The following EIF4G3 variants were observed in gnomAD, a reference collection of about 807,000 sequenced individuals.
EIF4G3 encodes the protein eIF-4-gamma 3.
A neutral mutation model predicts 186.4 loss-of-function variants in EIF4G3; 34 were observed. The ratio of observed to expected loss-of-function variants is 0.18; its 90% confidence interval spans 0.14 to 0.24. EIF4G3 has a LOEUF of 0.24. Among genes scored for constraint, EIF4G3 ranks in the 10% least tolerant of loss-of-function variants. EIF4G3 has a pLI of 1.00. For synonymous variants in EIF4G3, 673 were observed against 679.5 expected, an observed-to-expected ratio of 0.99 and a Z score of 0.15; for missense variants, 1,536 against 1,948.5, an observed-to-expected ratio of 0.79 and a Z score of 3.99.
chr1:20,860,561 AT>A, intron 23 of EIF4G3, 44 bp from the exon 24 acceptor site: 1 of 1,580,480 alleles, frequency 6.3e-7, no homozygotes, highest in Admixed American at 1.9e-5. Context: ...TAAACTGAAC[AT>A]TTTTTAAAAT....
intron 12 of EIF4G3, among the ~76,000 whole-genome samples, chr1:20,965,379 TC>T (rs1196492503): frequency 1.1e-4 from 16 of 152,208 alleles, no homozygotes; most frequent in African/African-American, 3.9e-4. Context: ...AAAACTTGCA[TC>T]CCCATTTACA....
intron 3 of EIF4G3, among the ~76,000 whole-genome samples, chr1:21,051,350 G>C (rs1042256092): frequency 1.3e-5 from 2 of 152,134 alleles, no homozygotes; most frequent in Non-Finnish European, 2.9e-5. Context: ...AGAGGAAGGA[G>C]ATGACTACAG....
rs542110540 is a variant in EIF4G3 at position 20,810,804 on chromosome 1, T to A, written c.4678A>T (p.Thr1560Ser). ...PILLKYLDSDTEKELQALYAL... is the reference protein window; with the variant it reads ...PILLKYLDSDSEKELQALYAL... ...TAAAGTGCTTGCAGTTCCTTCTCTG[T>A]ATCTGAGTCTAGGTACTTGAGTAAG... Residue 1560 changes from threonine to serine, a missense_variant, in exon 36 of 37, where the codon ACA (threonine) becomes TCA (serine). This residue lies in a region of EIF4G3 where 395 missense variants were observed against 498.9 expected (regional missense o/e 0.79). Coordinates refer to ENST00000602326, the MANE Select transcript of EIF4G3 (RefSeq NM_001391906.1). This position sits in a 1 kb window ranked among gnomAD's most constrained non-coding sequence, Gnocchi z 4.1. 1.9e-6 allele frequency: 3 copies of A among 1,614,142 alleles called. No homozygotes were observed. In the Admixed American group the frequency reaches 5.0e-5, roughly 27 times the overall value.
chr1:20,972,168 C>A (rs889382423), intron 11 of EIF4G3, among the ~76,000 whole-genome samples: 5 of 152,094 alleles, frequency 3.3e-5, no homozygotes, highest in African/African-American at 1.2e-4. Flanking sequence ...AAGACAAAAC[C>A]CCTATAAATT....
intron 14 of EIF4G3, 82 bp from the exon 15 acceptor site, chr1:20,905,053 A>G (rs1288566639): frequency 9.7e-7 from 1 of 1,031,660 alleles, no homozygotes; most frequent in Admixed American, 2.1e-5. Flanking sequence ...CCTATATTCA[A>G]ATTAAGCAGG....
At chr1:20,846,746 C>T (rs999682979) in intron 29 of EIF4G3, among the ~76,000 whole-genome samples, 2 of 152,180 alleles carry the variant, frequency 1.3e-5, no homozygotes, top group African/African-American at 4.8e-5. Context: ...GAGGCTAAAA[C>T]ATGCACGGTG....
intron 18 of EIF4G3, among the ~76,000 whole-genome samples, chr1:20,889,288 T>C (rs2085191790): frequency 6.6e-6 from 1 of 152,102 alleles, no homozygotes; most frequent in South Asian, 2.1e-4. Context: ...GACAACCAAG[T>C]GTTCCTTTAA....
chr1:20,933,400 T>C (rs1295106187), intron 14 of EIF4G3, among the ~76,000 whole-genome samples: 1 of 152,126 alleles, frequency 6.6e-6, no homozygotes, highest in African/African-American at 2.4e-5. Flanking sequence ...CTCACACCTG[T>C]AATCCCAGCA....
At chr1:20,899,003 T>C (rs552835016) in intron 16 of EIF4G3, among the ~76,000 whole-genome samples, 1 of 152,330 alleles carries the variant, frequency 6.6e-6, no homozygotes, top group Non-Finnish European at 1.5e-5. Context: ...GTGCTGGGAT[T>C]ACAGGCGTGA....
At chr1:20,886,938 TCCTGCTGGATTCCCACTATAC>T (rs2084369766) in intron 18 of EIF4G3, among the ~76,000 whole-genome samples, 1 of 152,214 alleles carries the variant, frequency 6.6e-6, no homozygotes, top group Non-Finnish European at 1.5e-5. Context: ...TCTGCTCTGT[TCCTGCTGGATTCCCACTATAC>T]CCTTATGTTA....
At chr1:20,811,254 TTTC>T (rs35618300) in intron 35 of EIF4G3, among the ~76,000 whole-genome samples, 24 of 150,786 alleles carry the variant, frequency 1.6e-4, no homozygotes, top group East Asian at 7.7e-4. Flanking sequence ...GCTCCTGGCC[TTTC>T]TTCTTCTTCT....
intron 2 of EIF4G3, among the ~76,000 whole-genome samples, chr1:21,120,597 C>G (rs925955192): frequency 3.7e-5 from 5 of 133,496 alleles, no homozygotes; most frequent in African/African-American, 1.4e-4. Context: ...GCCTGGACAA[C>G]AGAGTGAGTG....
At chr1:20,900,643 T>C (rs2089992204) in intron 15 of EIF4G3, among the ~76,000 whole-genome samples, 2 of 152,148 alleles carry the variant, frequency 1.3e-5, no homozygotes, top group Admixed American at 1.3e-4. Context: ...TAGCGTCAGA[T>C]ATCAAACACA....
chr1:21,017,181 G>T lies in EIF4G3; in HGVS notation c.-66-14373C>A, dbSNP rs972416229. Among the ~76,000 whole-genome samples the T allele has an allele frequency of 2.0e-5, 3 of 152,116 alleles. No individual in the cohort carries two copies. The East Asian group carries it at 5.8e-4, about 29-fold the overall frequency. Reference sequence around the variant, plus strand: ...CATTACAACATGGATGAGCTTTGAGGACATTATTCTAAATGAAATAAGCCA... The same window carrying T: ...CATTACAACATGGATGAGCTTTGAGTACATTATTCTAAATGAAATAAGCCA... On this transcript the variant is annotated intron_variant, in intron 4 of 36. Coordinates refer to ENST00000602326, the MANE Select transcript of EIF4G3 (RefSeq NM_001391906.1).
chr1:21,115,327 C>T (rs1204829450), intron 2 of EIF4G3, among the ~76,000 whole-genome samples: 1 of 152,110 alleles, frequency 6.6e-6, no homozygotes, highest in African/African-American at 2.4e-5. Context: ...GGGGAATGGC[C>T]TTTCAGTGGA....
chr1:20,948,771 G>A (rs1190500579), intron 13 of EIF4G3, among the ~76,000 whole-genome samples: 1 of 151,910 alleles, frequency 6.6e-6, no homozygotes, highest in Admixed American at 6.6e-5. Flanking sequence ...CACTTTGGGA[G>A]GCTGAGGCAG....
intron 4 of EIF4G3, among the ~76,000 whole-genome samples, chr1:21,041,899 T>G (rs1272399845): frequency 6.6e-6 from 1 of 151,956 alleles, no homozygotes; most frequent in South Asian, 2.1e-4. Context: ...TGACTAGACA[T>G]TAGAGGGAAA....
intron 2 of EIF4G3, among the ~76,000 whole-genome samples, chr1:21,145,585 T>C (rs1288373078): frequency 1.3e-5 from 2 of 152,084 alleles, no homozygotes; most frequent in African/African-American, 4.8e-5. Flanking sequence ...TTTTATCAAA[T>C]GGAATTCATT....
chr1:21,048,835 T>C (rs2094044762), intron 4 of EIF4G3, among the ~76,000 whole-genome samples: 1 of 152,086 alleles, frequency 6.6e-6, no homozygotes, highest in Admixed American at 6.5e-5. Context: ...GGGGTAGCAG[T>C]CTCTCACCTA....
Sources: allele counts gnomAD v4.1 joint callset (sites outside exome capture counted in the v4.1 genomes callset), GRCh38; gene constraint gnomAD v4.1.1; regional missense constraint gnomAD v4.1.1; non-coding constraint Gnocchi (gnomAD v3.1); transcripts MANE v1.5; gene names NCBI Gene and HGNC (gene_info 2026-07-23, HGNC 2026-07-21).